ZNF18: variants seen among roughly 807,000 people sequenced by gnomAD.
ZNF18 encodes the protein zinc finger protein 18.
A neutral mutation model predicts 58.1 loss-of-function variants in ZNF18; 42 were observed. That is an observed-to-expected ratio of 0.72 (90% CI 0.56 to 0.93). ZNF18 has a LOEUF of 0.93. Among genes scored for constraint, ZNF18 ranks in the 40% least tolerant of loss-of-function variants. ZNF18 has a pLI of 0.00. For synonymous variants in ZNF18, 231 were observed against 239.8 expected (o/e 0.96, Z 0.34); for missense variants, 540 against 644.2 (o/e 0.84, Z 1.75).
chr17:11,980,813 A>C (rs555729157), intron 6 of ZNF18, among the ~76,000 whole-genome samples: 1 of 152,158 alleles, frequency 6.6e-6, no homozygotes, highest in East Asian at 1.9e-4. Context: ...TCAGAATCAC[A>C]CTATTTTAAT....
intron 6 of ZNF18, among the ~76,000 whole-genome samples, chr17:11,982,394 A>G (rs937536702): frequency 3.9e-5 from 6 of 152,176 alleles, no homozygotes; most frequent in African/African-American, 9.7e-5. Context: ...AACTCTATCA[A>G]ATGATTTCAC....
the ZNF18 span, among the ~76,000 whole-genome samples, chr17:12,013,636 G>GT: frequency 6.6e-6 from 1 of 152,034 alleles, no homozygotes; most frequent in African/African-American, 2.4e-5. Context: ...CCTAATTTAG[G>GT]TTTTTTCATT....
chr17:12,016,442 G>A, the ZNF18 span, among the ~76,000 whole-genome samples: 1 of 152,090 alleles, frequency 6.6e-6, no homozygotes, highest in African/African-American at 2.4e-5. Flanking sequence ...TGATTCTCCT[G>A]CCTCAGCCTC....
chr17:11,990,909 A>G, intron 3 of ZNF18, 65 bp downstream of exon 3: 1 of 1,532,716 alleles, frequency 6.5e-7, no homozygotes, highest in Admixed American at 1.8e-5. Flanking sequence ...ATTTCAACTC[A>G]CTTAGGCCTA....
At chr17:12,019,331 TG>T in the ZNF18 span, among the ~76,000 whole-genome samples, 26 of 149,050 alleles carry the variant, frequency 1.7e-4, no homozygotes, top group African/African-American at 6.1e-4. Context: ...TGTGTGTGTG[TG>T]TGTGTTTAAA....
chr17:11,988,554 C>T (rs777060361), intron 4 of ZNF18, among the ~76,000 whole-genome samples: 10 of 152,150 alleles, frequency 6.6e-5, no homozygotes, highest in Admixed American at 2.0e-4. Context: ...TCAGAGGGAA[C>T]AATCCCCTGA....
At chr17:11,987,445 C>G (rs1393098902) in intron 4 of ZNF18, among the ~76,000 whole-genome samples, 2 of 152,156 alleles carry the variant, frequency 1.3e-5, no homozygotes, top group Admixed American at 1.3e-4. Context: ...ATATCAAAGT[C>G]TTTCTGATGC....
the ZNF18 span, among the ~76,000 whole-genome samples, chr17:12,008,054 C>T: frequency 6.6e-6 from 1 of 152,148 alleles, no homozygotes; most frequent in Non-Finnish European, 1.5e-5. Context: ...TGCAGAGTGC[C>T]TCGGGTTGCC....
chr17:12,005,298 GA>G, the ZNF18 span, among the ~76,000 whole-genome samples: 2 of 151,888 alleles, frequency 1.3e-5, no homozygotes, highest in Admixed American at 1.3e-4. Context: ...AAATCAAATG[GA>G]AACTGGTGGC....
At chr17:11,998,033 T>C (rs1968578797), upstream of ZNF18, among the ~76,000 whole-genome samples, 1 of 148,440 alleles carries the variant, frequency 6.7e-6, no homozygotes, top group South Asian at 2.2e-4. Context: ...TGCCATCCTC[T>C]TTCCACCTGC....
the ZNF18 span, among the ~76,000 whole-genome samples, chr17:12,015,231 T>C: frequency 7.2e-5 from 11 of 152,176 alleles, no homozygotes; most frequent in African/African-American, 2.4e-4. Flanking sequence ...CCCAACTAAT[T>C]ATTAAATTCC....
the ZNF18 span, among the ~76,000 whole-genome samples, chr17:12,013,826 A>C: frequency 6.6e-6 from 1 of 152,200 alleles, no homozygotes; most frequent in African/African-American, 2.4e-5. Context: ...TTCATCAACT[A>C]CTAACAGAAT....
chr17:12,003,626 C>T, the ZNF18 span, among the ~76,000 whole-genome samples: 6 of 151,980 alleles, frequency 3.9e-5, no homozygotes, highest in Non-Finnish European at 7.4e-5. Context: ...TCCCTGAGGC[C>T]GTAAAATGTC....
chr17:11,995,346 A>G (rs1403365429), intron 1 of ZNF18, among the ~76,000 whole-genome samples: 1 of 150,128 alleles, frequency 6.7e-6, no homozygotes, highest in African/African-American at 2.5e-5. Flanking sequence ...CCAAGGGGGC[A>G]GAGGTTGCAG....
chr17:11,994,588 T>A (rs1968343929), intron 1 of ZNF18, among the ~76,000 whole-genome samples: 1 of 152,192 alleles, frequency 6.6e-6, no homozygotes, highest in Non-Finnish European at 1.5e-5. Context: ...ACGCCTGTAA[T>A]CCCAGCACTT....
At chr17:12,011,281 T>C in the ZNF18 span, 1 of 311,510 alleles carries the variant, frequency 3.2e-6, no homozygotes, top group East Asian at 6.0e-5. Context: ...AATGAAACTT[T>C]AAAAGAATAT....
chr17:11,983,925 T>A (rs1257008874), intron 5 of ZNF18, among the ~76,000 whole-genome samples, 188 bp downstream of exon 5: 1 of 152,188 alleles, frequency 6.6e-6, no homozygotes, highest in East Asian at 1.9e-4. Context: ...CGGAATACTT[T>A]CAATACAAGG....
At chr17:12,011,173 T>G in the ZNF18 span, 1 of 587,550 alleles carries the variant, frequency 1.7e-6, no homozygotes, top group South Asian at 1.9e-5. Context: ...TTTCTAAAAC[T>G]CCTGGAGAAC....
chr17:11,983,553 G>C, intron 5 of ZNF18, 146 bp from the exon 6 acceptor site: 1 of 618,650 alleles, frequency 1.6e-6, no homozygotes, highest in Non-Finnish European at 2.9e-6. Flanking sequence ...ACAGTGTGTG[G>C]AGCTTGTAAG....
Sources: gnomAD v4.1 joint callset for allele counts (sites outside exome capture counted in the v4.1 genomes callset) on GRCh38, gnomAD v4.1.1 for gene constraint, MANE v1.5 for transcripts, NCBI Gene and HGNC (gene_info 2026-07-23, HGNC 2026-07-21) for gene names.